Variants in UBR4 observed in about 807,000 individuals in gnomAD.
The protein encoded by UBR4 is E3 ubiquitin-protein ligase UBR4.
Under a neutral mutation model 575.6 loss-of-function variants are expected in UBR4, and 124 were observed. That is an observed-to-expected ratio of 0.22 (90% CI 0.19 to 0.25). The LOEUF (loss-of-function observed/expected upper bound fraction) is 0.25. Ranked by LOEUF, UBR4 falls within the 10% of genes least tolerant of loss-of-function variation. The pLI is 1.00. For synonymous variants in UBR4, 2,455 were observed against 2,473.7 expected (o/e 0.99, Z 0.22); for missense variants, 4,818 against 6,478.8 (o/e 0.74, Z 8.80).
At chr1:19,137,688 A>G (rs1266575214) in intron 60 of UBR4, among the ~76,000 whole-genome samples, 1 of 152,226 alleles carries the variant, frequency 6.6e-6, no homozygotes, top group Non-Finnish European at 1.5e-5. Context: ...TATTGAGTGT[A>G]CAGATATTGA....
At chr1:19,124,198 C>T (rs958753067) in intron 65 of UBR4, among the ~76,000 whole-genome samples, 1 of 152,200 alleles carries the variant, frequency 6.6e-6, no homozygotes, top group African/African-American at 2.4e-5. Flanking sequence ...TTTTTGTTGT[C>T]CAACAGCATT....
At chr1:19,086,547 G>C in intron 100 of UBR4, 132 bp downstream of exon 100, 1 of 1,337,990 alleles carries the variant, frequency 7.5e-7, no homozygotes, top group Non-Finnish European at 1.0e-6. Flanking sequence ...GGACCTATAT[G>C]GTGTCAGGCA....
intron 94 of UBR4, among the ~76,000 whole-genome samples, chr1:19,094,513 C>A (rs1158913520): frequency 6.6e-6 from 1 of 152,136 alleles, no homozygotes; most frequent in Non-Finnish European, 1.5e-5. Flanking sequence ...AGTTGGAGAT[C>A]TGGGTTCTAG....
intron 1 of UBR4, among the ~76,000 whole-genome samples, chr1:19,203,176 A>C (rs1455077845): frequency 6.6e-6 from 1 of 152,158 alleles, no homozygotes; most frequent in Admixed American, 6.5e-5. Context: ...CAGTTTACTT[A>C]GTGAGTCAAT....
intron 52 of UBR4, among the ~76,000 whole-genome samples, chr1:19,146,484 C>T (rs528384215): frequency 4.8e-4 from 73 of 152,284 alleles, no homozygotes; most frequent in Non-Finnish European, 8.2e-4. Context: ...GGCATGAAAG[C>T]GAAAGATATG....
At chr1:19,200,002 A>C (rs2151664839) in intron 2 of UBR4, among the ~76,000 whole-genome samples, 1 of 152,368 alleles carries the variant, frequency 6.6e-6, no homozygotes, top group South Asian at 2.1e-4. Context: ...CAAGCACTTC[A>C]AAGGTATTAA....
At chr1:19,097,648 A>G (rs1426297522) in intron 90 of UBR4, among the ~76,000 whole-genome samples, 1 of 152,210 alleles carries the variant, frequency 6.6e-6, no homozygotes, top group East Asian at 1.9e-4. Context: ...CAGCTTGTTC[A>G]AGGTTACCAA....
chr1:19,198,957 A>G (rs759693728), intron 3 of UBR4, 29 bp from the exon 4 acceptor site: 2 of 1,605,726 alleles, frequency 1.2e-6, no homozygotes, highest in Non-Finnish European at 1.7e-6. Flanking sequence ...CAAACAAAAG[A>G]AAACAAAAAC....
intron 37 of UBR4, 87 bp from the exon 38 acceptor site, chr1:19,161,234 C>A: frequency 7.6e-7 from 1 of 1,308,076 alleles, no homozygotes; most frequent in Admixed American, 2.0e-5. Context: ...AAATTTGACC[C>A]AAAGAAGAAA....
At position 19,095,638 on chromosome 1, in the gene UBR4, C is replaced by T; in HGVS notation, c.13533G>A (p.Leu4511=). ...CTTTCACCTTCACGCAGTAACTGAA[C>T]AATTTCAGTAGCACCTGACAAGAAA... ...GRHLLTVLLK[L]FSYCVKVKVN... The change falls in exon 93 of 106, where the codon TTG becomes TTA. Residue 4511 remains leucine, a synonymous_variant. Coordinates refer to ENST00000375254, the MANE Select transcript of UBR4 (RefSeq NM_020765.3). The T allele has an allele frequency of 1.2e-6, 2 of 1,614,000 alleles. No homozygotes were observed. The highest frequency in any genetic ancestry group is 1.7e-6 in the Non-Finnish European group (2 of 1,179,932).
chr1:19,208,126 A>G (rs1044008356), intron 1 of UBR4, among the ~76,000 whole-genome samples: 2 of 152,234 alleles, frequency 1.3e-5, no homozygotes, highest in African/African-American at 4.8e-5. Flanking sequence ...CAGAGGACAC[A>G]TAGGCTTTCA....
intron 73 of UBR4, among the ~76,000 whole-genome samples, chr1:19,116,638 C>T (rs1459101802): frequency 6.6e-6 from 1 of 152,222 alleles, no homozygotes; most frequent in African/African-American, 2.4e-5. Flanking sequence ...AAAAGGCGAT[C>T]TGTCTCTGTG....
intron 1 of UBR4, among the ~76,000 whole-genome samples, chr1:19,206,338 CT>C (rs143493508): frequency 0.03 from 4,312 of 143,260 alleles, 68 homozygotes; most frequent in Middle Eastern, 0.057. Context: ...CCCTGTCTCT[CT>C]TTTTTTTTTT....
intron 49 of UBR4, among the ~76,000 whole-genome samples, 168 bp from the exon 50 acceptor site, chr1:19,148,794 G>A (rs1206779007): frequency 3.3e-5 from 5 of 152,324 alleles, no homozygotes; most frequent in African/African-American, 1.2e-4. Flanking sequence ...CGTTTCCTAC[G>A]TTACAGGCCA....
chr1:19,174,834 G>T, intron 21 of UBR4, 120 bp downstream of exon 21: 1 of 922,270 alleles, frequency 1.1e-6, no homozygotes, highest in Non-Finnish European at 1.6e-6. Flanking sequence ...AGCTCAAATC[G>T]TAACACAGAC....
In UBR4 at chr1:19,139,061, G is replaced by T. The variant is rs74056761; in HGVS notation, c.8731+22C>A. 1.3e-6 allele frequency: 2 copies of T among 1,595,102 alleles called. No individual in the cohort carries two copies. Among genetic ancestry groups the T allele is most frequent in the Non-Finnish European group, 1.7e-6 (2 of 1,168,548 alleles). ...CCCCACCCTCTGCCCAAGGAGACAG[G>T]ACCCCCGCCATGGCACATTACCACT... On this transcript the variant is annotated intron_variant, in intron 59 of 105. Coordinates refer to ENST00000375254, the MANE Select transcript of UBR4 (RefSeq NM_020765.3). The surrounding 1 kb of genome is among the most constrained non-coding windows in gnomAD (Gnocchi z 4.2).
At chr1:19,165,124 T>C in intron 31 of UBR4, 125 bp downstream of exon 31, 1 of 1,490,968 alleles carries the variant, frequency 6.7e-7, no homozygotes. Flanking sequence ...TTCCAAACTT[T>C]CTCTGAGGGA....
At position 19,093,326 on chromosome 1, in the gene UBR4, G is replaced by T. The variant is rs1252320822; in HGVS notation, c.14098C>A (p.Pro4700Thr). 6.2e-7 allele frequency: 1 copy of T among 1,613,822 alleles called. No homozygotes were observed. Reference sequence around the variant, plus strand: ...AGGGCTTCATACTTCTTGGCGCTAGGGATGTGCTTTTTCATGTAGTCAAGT... The same window carrying T: ...AGGGCTTCATACTTCTTGGCGCTAGTGATGTGCTTTTTCATGTAGTCAAGT... ...NALDYMKKHI[P>T]SAKNLDADIW... Residue 4700 changes from proline (P) to threonine (T), a missense_variant, in exon 96 of 106, where the codon CCT becomes ACT. Pro to Thr is a conservative substitution (Grantham distance 38). Transcript: ENST00000375254. The surrounding 1 kb of genome is among the most constrained non-coding windows in gnomAD (Gnocchi z 4.8).
At position 19,124,349 on chromosome 1, in the gene UBR4, G is replaced by A. The variant is rs1467885099; in HGVS notation, c.9588+192C>T. 5.4e-5 allele frequency: 35 copies of A among 653,778 alleles called. 1 individual carries two copies. 40.5% of individuals were successfully genotyped at this position (653,778 alleles called of 1,614,324 possible). On this transcript the variant is annotated intron_variant, in intron 65 of 105. Coordinates refer to ENST00000375254, the MANE Select transcript of UBR4 (RefSeq NM_020765.3). ...ACACAGAATCAGAAGGTAAAGTATGGCTTGTTTGATACACATCTCCCACAG... is the reference window on the plus strand; with the variant it reads ...ACACAGAATCAGAAGGTAAAGTATGACTTGTTTGATACACATCTCCCACAG...
Sources: gnomAD v4.1 joint callset for allele counts (sites outside exome capture counted in the v4.1 genomes callset) on GRCh38, gnomAD v4.1.1 for gene constraint, Gnocchi (gnomAD v3.1) non-coding constraint, MANE v1.5 for transcripts, NCBI Gene and HGNC (gene_info 2026-07-23, HGNC 2026-07-21) for gene names.